Variants in SHISA9 observed in about 807,000 individuals in gnomAD.
SHISA9 encodes the protein protein shisa-9.
Under a neutral mutation model 38.0 loss-of-function variants are expected in SHISA9, and 13 were observed. That is an observed-to-expected ratio of 0.34 (90% confidence interval 0.22 to 0.54). The LOEUF (loss-of-function observed/expected upper bound fraction) is 0.54, where lower values mean the gene tolerates loss of function less well. Among genes scored for constraint, SHISA9 ranks in the 20% least tolerant of loss-of-function variants. The pLI is 0.91. For synonymous variants in SHISA9, 275 were observed against 242.0 expected (o/e 1.14, Z -1.27); for missense variants, 538 against 575.8 (o/e 0.93, Z 0.67).
chr16:12,909,428 T>C lies in SHISA9; in HGVS notation c.563+6801T>C, dbSNP rs934906306. On this transcript the variant is annotated intron_variant, in intron 1 of 4. Coordinates refer to ENST00000558583, the MANE Select transcript of SHISA9 (RefSeq NM_001145204.3). ...AGTGTTTAAAAGTCAACACATAGAT[T>C]GGACATTGGGATACCTGGAGGCTTT... is the stretch of plus-strand genomic sequence containing the variant. The C allele has an allele frequency of 8.1e-6, 8 of 985,342 alleles. No homozygotes were observed. The African/African-American group carries it at 1.4e-4, about 17-fold the overall frequency. The allele number at this position is 985,342 out of a possible 1,614,324, so 61.0% of individuals were successfully genotyped here.
chr16:13,354,842 C>T, the SHISA9 span, among the ~76,000 whole-genome samples: 33 of 152,118 alleles, frequency 2.2e-4, no homozygotes, highest in African/African-American at 7.5e-4. Flanking sequence ...AGGGAGAGCA[C>T]GTGTGTTTTT....
At chr16:12,902,706 GCGCTCCCCACGGTCCC>G in intron 1 of SHISA9, 79 bp downstream of exon 1, 1 of 1,364,276 alleles carries the variant, frequency 7.3e-7, no homozygotes, top group Non-Finnish European at 9.8e-7. Context: ...CCAGGCAATG[GCGCTCCCCACGGTCCC>G]CGCTCCCCGC....
the SHISA9 span, among the ~76,000 whole-genome samples, chr16:13,261,306 GATGATA>G: frequency 6.6e-6 from 1 of 152,150 alleles, no homozygotes; most frequent in Non-Finnish European, 1.5e-5. Context: ...TAGGTTTATA[GATGATA>G]ATGATAATGA....
rs1255891949 is a variant in SHISA9 at position 13,037,152 on chromosome 16, A to G, written c.691+120337A>G. 4.1e-5 allele frequency among the ~76,000 whole-genome samples: 6 copies of G among 144,878 alleles called. No individual in the cohort carries two copies. In the East Asian group the frequency reaches 1.2e-3, roughly 29 times the overall value. ...CACACACACACACACACACACACAC[A>G]CACACTGTTGGTCCCAGATTCTGAA... is the stretch of plus-strand genomic sequence containing the variant. On this transcript the variant is annotated intron_variant, in intron 2 of 4. Transcript: ENST00000558583.
At chr16:13,280,010 G>A in the SHISA9 span, among the ~76,000 whole-genome samples, 24 of 151,478 alleles carry the variant, frequency 1.6e-4, no homozygotes, top group African/African-American at 5.8e-4. Context: ...TGAGCATGGA[G>A]TTGTTTGTTG....
At chr16:13,201,746 T>C (rs74743416) in intron 2 of SHISA9, among the ~76,000 whole-genome samples, 2,133 of 128,650 alleles carry the variant, frequency 0.017, 483 homozygotes, top group African/African-American at 0.063. Context: ...TGGACTTCAG[T>C]GTCAGCGGGA....
intron 2 of SHISA9, among the ~76,000 whole-genome samples, chr16:13,027,934 A>G (rs1250124518): frequency 9.9e-6 from 1 of 101,496 alleles, no homozygotes; most frequent in African/African-American, 6.1e-5. Context: ...TCTCAAAAAC[A>G]AAAAAAAAAA....
chr16:13,198,804 A>G (rs1374286098), intron 2 of SHISA9, among the ~76,000 whole-genome samples: 1 of 152,244 alleles, frequency 6.6e-6, no homozygotes, highest in Non-Finnish European at 1.5e-5. Context: ...ATGGCTATCT[A>G]AAACTGCCAG....
the SHISA9 span, among the ~76,000 whole-genome samples, chr16:13,259,956 A>G: frequency 6.9e-6 from 1 of 145,442 alleles, no homozygotes; most frequent in Non-Finnish European, 1.5e-5. Flanking sequence ...GCAAATTTCT[A>G]CAGCCAGCTT....
intron 2 of SHISA9, among the ~76,000 whole-genome samples, chr16:13,026,249 C>T (rs111356861): frequency 2.4e-4 from 36 of 152,354 alleles, no homozygotes; most frequent in African/African-American, 6.0e-4. Context: ...CCCTATCCCC[C>T]GGCAACTACC....
chr16:13,327,363 C>T, the SHISA9 span, among the ~76,000 whole-genome samples: 1 of 152,078 alleles, frequency 6.6e-6, no homozygotes, highest in African/African-American at 2.4e-5. Context: ...TGCCTATAAT[C>T]CCAGCACTTT....
At chr16:13,343,825 C>T in the SHISA9 span, among the ~76,000 whole-genome samples, 1 of 152,126 alleles carries the variant, frequency 6.6e-6, no homozygotes, top group East Asian at 1.9e-4. Context: ...CATCAGTAAA[C>T]ATCTTGAGAA....
the SHISA9 span, among the ~76,000 whole-genome samples, chr16:13,335,628 C>T: frequency 6.6e-6 from 1 of 152,210 alleles, no homozygotes. Flanking sequence ...GAACCAGTCA[C>T]ACACTTTCCC....
intron 2 of SHISA9, among the ~76,000 whole-genome samples, chr16:13,078,271 C>T (rs182216388): frequency 5.3e-4 from 81 of 152,352 alleles, no homozygotes; most frequent in Non-Finnish European, 1.0e-3. Flanking sequence ...ATATAGCCTA[C>T]GGCTTTCTCC....
At chr16:13,378,107 T>C in the SHISA9 span, among the ~76,000 whole-genome samples, 1 of 152,184 alleles carries the variant, frequency 6.6e-6, no homozygotes, top group Non-Finnish European at 1.5e-5. Flanking sequence ...CTGTGAAGCC[T>C]GCAGAGCTAG....
the SHISA9 span, among the ~76,000 whole-genome samples, chr16:13,468,959 G>C: frequency 6.6e-6 from 1 of 150,782 alleles, no homozygotes; most frequent in South Asian, 2.1e-4. Context: ...CAACAAAAAA[G>C]AGGCTGGGCA....
intron 2 of SHISA9, among the ~76,000 whole-genome samples, chr16:13,057,085 G>A (rs1345853061): frequency 6.6e-6 from 1 of 152,224 alleles, no homozygotes; most frequent in Non-Finnish European, 1.5e-5. Context: ...GGGCCTCGGT[G>A]CTATAGGCCC....
the SHISA9 span, among the ~76,000 whole-genome samples, chr16:13,514,029 C>T: frequency 6.6e-6 from 1 of 152,134 alleles, no homozygotes. Flanking sequence ...AAGTCATGCT[C>T]TGTCACGCAG....
intron 4 of SHISA9, among the ~76,000 whole-genome samples, chr16:13,229,166 A>T (rs535872990): frequency 6.6e-6 from 1 of 152,306 alleles, no homozygotes; most frequent in East Asian, 1.9e-4. Flanking sequence ...TCTCAAAAAA[A>T]ATTTGACTGA....
Sources: allele counts gnomAD v4.1 joint callset (sites outside exome capture counted in the v4.1 genomes callset), GRCh38; gene constraint gnomAD v4.1.1; transcripts MANE v1.5; gene names NCBI Gene and HGNC (gene_info 2026-07-23, HGNC 2026-07-21).